Variants in NOL11 observed in about 807,000 individuals in gnomAD.
NOL11 encodes nucleolar protein 11.
In NOL11, 42 loss-of-function variants were observed where a neutral mutation model predicts 93.0. That is an observed-to-expected ratio of 0.45 (90% CI 0.35 to 0.58). The LOEUF (loss-of-function observed/expected upper bound fraction) is 0.58, where lower values mean the gene tolerates loss of function less well. Among genes scored for constraint, NOL11 ranks in the 20% least tolerant of loss-of-function variants. The probability of loss-of-function intolerance (pLI) is 0.00; values close to 1 mark genes in which losing one functional copy is unlikely to be tolerated. For missense variants in NOL11, 775 were observed against 841.8 expected, an observed-to-expected ratio of 0.92 and a Z score of 0.98; for synonymous variants, 296 against 293.7, an observed-to-expected ratio of 1.01 and a Z score of -0.08.
At chr17:67,719,818 C>A in intron 2 of NOL11, 31 bp downstream of exon 2, 1 of 1,476,930 alleles carries the variant, frequency 6.8e-7, no homozygotes, top group East Asian at 2.4e-5. Flanking sequence ...ATAATATATA[C>A]AATATAAATG....
chr17:67,718,080 C>T lies in NOL11; in HGVS notation c.133C>T (p.Leu45Phe). 1.2e-6 allele frequency: 2 copies of T among 1,614,146 alleles called. No individual in the cohort carries two copies. The change falls in exon 1 of 18, where the codon CTC (leucine) becomes TTC (phenylalanine). Residue 45 changes from leucine (L) to phenylalanine (F), a missense_variant. Around this residue, in one of 2 missense-constraint regions of NOL11, gnomAD observed 359 missense variants for 316.5 expected, o/e 1.13. Coordinates refer to ENST00000253247, the MANE Select transcript of NOL11 (RefSeq NM_015462.5). Reference protein sequence around the residue: ...LVTDSGRTVILYKVSDQKPLG... With the variant: ...LVTDSGRTVIFYKVSDQKPLG... ...GACAGACAGCGGCAGGACAGTCATCCTCTATAAGGTGAAGGCAATAGGTTT... is the reference window on the plus strand; with the variant it reads ...GACAGACAGCGGCAGGACAGTCATCTTCTATAAGGTGAAGGCAATAGGTTT...
chr17:67,718,929 T>G (rs965512181), intron 1 of NOL11, among the ~76,000 whole-genome samples: 8 of 152,196 alleles, frequency 5.3e-5, no homozygotes. Flanking sequence ...CAGATTGGAA[T>G]TGGATAGACA....
At chr17:67,739,635 G>C (rs1212092755) in intron 16 of NOL11, 27 bp downstream of exon 16, 1 of 1,398,126 alleles carries the variant, frequency 7.2e-7, no homozygotes, top group Non-Finnish European at 9.9e-7. Context: ...ACTTTGATTT[G>C]GTGCTGGGAA....
chr17:67,732,110 T>G (rs555122375), intron 7 of NOL11, among the ~76,000 whole-genome samples: 195 of 147,330 alleles, frequency 1.3e-3, no homozygotes, highest in Non-Finnish European at 2.4e-3. Context: ...ACAGGATATC[T>G]CTATTTATTT....
intron 12 of NOL11, 69 bp from the exon 13 acceptor site, chr17:67,737,778 G>T: frequency 1.3e-6 from 2 of 1,582,382 alleles, no homozygotes; most frequent in Non-Finnish European, 1.7e-6. Flanking sequence ...ACTCTCAAAA[G>T]GCTTATAAAT....
intron 16 of NOL11, 56 bp from the exon 17 acceptor site, chr17:67,743,423 G>T: frequency 1.3e-6 from 1 of 763,402 alleles, no homozygotes; most frequent in South Asian, 1.7e-5. Flanking sequence ...TTTGTAAAGT[G>T]AATTAACCTG....
At chr17:67,723,760 G>A (rs565057266) in intron 5 of NOL11, among the ~76,000 whole-genome samples, 8 of 150,216 alleles carry the variant, frequency 5.3e-5, no homozygotes, top group African/African-American at 1.5e-4. Context: ...AAAAAAAATA[G>A]TGTAGCATGG....
At position 67,743,970 on chromosome 17, in the gene NOL11, C is replaced by T. The variant is rs754407284; in HGVS notation, c.*111C>T. On this transcript the variant is annotated 3_prime_UTR_variant, in exon 18 of 18. Coordinates refer to ENST00000253247, the MANE Select transcript of NOL11 (RefSeq NM_015462.5). ...GCGACCATCTCAGTGTCAAGAGAAA[C>T]GTGTCAGTGAGTACCTGGACCATCA... is the stretch of plus-strand genomic sequence containing the variant. The T allele has an allele frequency of 2.2e-5, 13 of 595,870 alleles. No individual in the cohort carries two copies. Among genetic ancestry groups the T allele is most frequent in the African/African-American group, 7.7e-5 (4 of 51,980 alleles). The allele number at this position is 595,870 out of a possible 1,614,324, so 36.9% of individuals were successfully genotyped here.
chr17:67,732,947 C>T (rs1445896944), intron 7 of NOL11, among the ~76,000 whole-genome samples: 1 of 151,892 alleles, frequency 6.6e-6, no homozygotes, highest in Non-Finnish European at 1.5e-5. Flanking sequence ...TGATCTTGTA[C>T]CCTGCAACCT....
intron 5 of NOL11, 78 bp downstream of exon 5, chr17:67,722,715 T>C (rs2043227675): frequency 1.3e-6 from 2 of 1,483,318 alleles, no homozygotes; most frequent in Non-Finnish European, 8.9e-7. Context: ...GACAGGGTGT[T>C]GCCCTGTCAC....
intron 7 of NOL11, among the ~76,000 whole-genome samples, chr17:67,728,083 ACC>A (rs1567801253): frequency 6.6e-6 from 1 of 152,024 alleles, no homozygotes; most frequent in African/African-American, 2.4e-5. Flanking sequence ...ACATGGTGAA[ACC>A]CCGTCTCCAC....
chr17:67,736,093 C>T (rs1015600446), intron 9 of NOL11, 70 bp downstream of exon 9: 3 of 1,325,294 alleles, frequency 2.3e-6, no homozygotes, highest in African/African-American at 1.5e-5. Context: ...GTACAGATTC[C>T]CACAGCCTTC....
rs1274865792 is a variant in NOL11, at chr17:67,736,812, C to T, written c.1143+58C>T. On this transcript the variant is annotated intron_variant, in intron 10 of 17. Coordinates refer to ENST00000253247, the MANE Select transcript of NOL11 (RefSeq NM_015462.5). ...GCAAATGTTGAAAAACAGAAAAAGA[C>T]TGAATTATTTTAATGAATCATATCC... 4 of 1,217,900 alleles carry T rather than the reference C, an allele frequency of 3.3e-6. No individual in the cohort carries two copies. The African/African-American group carries it at 4.5e-5, about 14-fold the overall frequency. The allele number at this position is 1,217,900 out of a possible 1,614,324, so 75.4% of individuals were successfully genotyped here.
At chr17:67,722,501 T>G in intron 4 of NOL11, 79 bp from the exon 5 acceptor site, 1 of 1,495,650 alleles carries the variant, frequency 6.7e-7, no homozygotes, top group Non-Finnish European at 8.9e-7. Flanking sequence ...ATGAAAACTT[T>G]GATTAAATTT....
intron 3 of NOL11, 35 bp from the exon 4 acceptor site, chr17:67,721,343 T>C: frequency 7.1e-7 from 1 of 1,398,876 alleles, no homozygotes; most frequent in Non-Finnish European, 9.6e-7. Flanking sequence ...TAAATTGTTT[T>C]AGAATAAAAA....
At position 67,731,503 on chromosome 17, in the gene NOL11, G is replaced by A. The variant is rs184311681; in HGVS notation, c.854-2860G>A. Among the ~76,000 whole-genome samples, 258 of 149,690 alleles carry A rather than the reference G, an allele frequency of 1.7e-3. 114 individuals carry two copies. Among genetic ancestry groups the A allele is most frequent in the African/African-American group, 6.2e-3 (250 of 40,594 alleles). Reference sequence around the variant, plus strand: ...CCTGACCTCGTGATCCGCCCGCCTCGGCCTCCCAAAGTCGTGCACAAAAGT... The same window carrying A: ...CCTGACCTCGTGATCCGCCCGCCTCAGCCTCCCAAAGTCGTGCACAAAAGT... On this transcript the variant is annotated intron_variant, in intron 7 of 17. Coordinates refer to ENST00000253247, the MANE Select transcript of NOL11 (RefSeq NM_015462.5).
intron 6 of NOL11, 94 bp from the exon 7 acceptor site, chr17:67,726,366 A>T (rs541441023): frequency 9.7e-7 from 1 of 1,026,378 alleles, no homozygotes; most frequent in African/African-American, 1.7e-5. Context: ...GTTTTATCAA[A>T]TTGGTAAAAT....
At chr17:67,729,088 TTTG>T (rs572328376) in intron 7 of NOL11, among the ~76,000 whole-genome samples, 1 of 88,896 alleles carries the variant, frequency 1.1e-5, no homozygotes, top group Non-Finnish European at 2.2e-5. Flanking sequence ...TCTAGTTTTT[TTTG>T]TTGTTGTTGT....
intron 6 of NOL11, among the ~76,000 whole-genome samples, chr17:67,725,291 G>A (rs535996926): frequency 3.9e-5 from 6 of 152,166 alleles, no homozygotes; most frequent in African/African-American, 9.6e-5. Flanking sequence ...GGCAAAAGGA[G>A]ACTAACAGCA....
Sources: gnomAD v4.1 joint callset for allele counts (sites outside exome capture counted in the v4.1 genomes callset) on GRCh38, gnomAD v4.1.1 for gene constraint, gnomAD v4.1.1 regional missense constraint, MANE v1.5 for transcripts, NCBI Gene and HGNC (gene_info 2026-07-23, HGNC 2026-07-21) for gene names.